ANKRD42: variants seen among roughly 807,000 people sequenced by gnomAD.
The protein encoded by ANKRD42 is ankyrin repeat domain 42, also known as ankyrin repeat domain-containing protein 42.
ANKRD42 carries 43 observed loss-of-function variants against 51.5 expected under a neutral mutation model. The ratio of observed to expected loss-of-function variants is 0.83; its 90% confidence interval spans 0.65 to 1.08. ANKRD42 has a LOEUF of 1.08. Among genes scored for constraint, ANKRD42 ranks in the 50% least tolerant of loss-of-function variants. ANKRD42 has a pLI of 0.00. For missense variants in ANKRD42, 608 were observed against 629.3 expected, an observed-to-expected ratio of 0.97 and a Z score of 0.36; for synonymous variants, 203 against 213.0, an observed-to-expected ratio of 0.95 and a Z score of 0.41.
At chr11:83,211,182 C>A (rs647411) in intron 4 of ANKRD42, 113 bp from the exon 5 acceptor site, 18 of 1,358,916 alleles carry the variant, frequency 1.3e-5, no homozygotes, top group Non-Finnish European at 1.8e-5. Context: ...TAAGTGTTTG[C>A]CTTCTTGTAT....
chr11:83,208,359 G>A (rs1163838354), intron 3 of ANKRD42, among the ~76,000 whole-genome samples: 1 of 149,854 alleles, frequency 6.7e-6, no homozygotes, highest in African/African-American at 2.5e-5. Flanking sequence ...ATATACGTGT[G>A]TGTGTTTGTG....
At chr11:83,259,194 G>A (rs1228678576), downstream of ANKRD42, 3 of 152,148 alleles carry the variant, frequency 2.0e-5, no homozygotes, top group East Asian at 3.9e-4. Context: ...AAAAAGATAC[G>A]TATAATTGCT....
intron 8 of ANKRD42, among the ~76,000 whole-genome samples, chr11:83,237,571 T>A (rs1286263587): frequency 6.6e-6 from 1 of 152,188 alleles, no homozygotes; most frequent in Non-Finnish European, 1.5e-5. Context: ...GTCCAATCAT[T>A]TGCTAAGTTG....
intron 10 of ANKRD42, 141 bp downstream of exon 10, chr11:83,245,765 G>T (rs1372151617): frequency 1.1e-6 from 1 of 925,508 alleles, no homozygotes; most frequent in Non-Finnish European, 1.5e-6. Context: ...GCCCTTAGAT[G>T]ACAAAGGAGT....
At chr11:83,207,076 C>T (rs960611954) in intron 3 of ANKRD42, among the ~76,000 whole-genome samples, 1 of 152,166 alleles carries the variant, frequency 6.6e-6, no homozygotes, top group Non-Finnish European at 1.5e-5. Context: ...AACTTACAAT[C>T]ATGGTGGAAG....
At chr11:83,221,253 A>T (rs1183619036) in intron 5 of ANKRD42, among the ~76,000 whole-genome samples, 1 of 152,138 alleles carries the variant, frequency 6.6e-6, no homozygotes, top group Non-Finnish European at 1.5e-5. Context: ...TATTTAAAAT[A>T]TTTTTGTTAA....
At chr11:83,201,648 A>G (rs953924842) in intron 2 of ANKRD42, among the ~76,000 whole-genome samples, 2 of 152,206 alleles carry the variant, frequency 1.3e-5, no homozygotes, top group Non-Finnish European at 2.9e-5. Context: ...ATTTCTCCAC[A>G]TCCTCTCCAG....
intron 3 of ANKRD42, among the ~76,000 whole-genome samples, chr11:83,208,354 CGTGTGTGT>C (rs927512299): frequency 4.7e-5 from 7 of 150,082 alleles, no homozygotes; most frequent in African/African-American, 1.8e-4. Context: ...TTTTTATATA[CGTGTGTGT>C]GTTTGTGTGT....
downstream of ANKRD42, among the ~76,000 whole-genome samples, chr11:83,253,069 ACTTAAC>A (rs1293331358): frequency 1.3e-5 from 2 of 152,108 alleles, no homozygotes; most frequent in Non-Finnish European, 2.9e-5. Flanking sequence ...TCCATGTTTC[ACTTAAC>A]CTTATTTTCT....
chr11:83,205,943 T>C, intron 2 of ANKRD42, 115 bp from the exon 3 acceptor site: 2 of 811,462 alleles, frequency 2.5e-6, no homozygotes, highest in South Asian at 1.8e-5. Flanking sequence ...GTTTTTCTTA[T>C]ACATGGATCT....
downstream of ANKRD42, among the ~76,000 whole-genome samples, chr11:83,252,922 A>T (rs1223310228): frequency 1.3e-5 from 2 of 152,172 alleles, no homozygotes; most frequent in Non-Finnish European, 2.9e-5. Flanking sequence ...GTCCAGAGAG[A>T]GAGTTATGTA....
downstream of ANKRD42, chr11:83,257,273 T>G (rs1180590180): frequency 2.2e-6 from 1 of 455,712 alleles, no homozygotes; most frequent in East Asian, 7.0e-5. Context: ...GTGAGAGGGC[T>G]CCTGCCAGGG....
intron 8 of ANKRD42, among the ~76,000 whole-genome samples, chr11:83,239,725 T>C (rs1295167148): frequency 6.6e-6 from 1 of 152,244 alleles, no homozygotes; most frequent in African/African-American, 2.4e-5. Context: ...ATTTTATCCA[T>C]TGGTCTATTT....
chr11:83,209,337 T>A (rs777094177), intron 3 of ANKRD42: 21 of 1,107,210 alleles, frequency 1.9e-5, no homozygotes, highest in Non-Finnish European at 2.7e-5. Flanking sequence ...TGGGAGTGCG[T>A]GCTGCTGGGA....
intron 3 of ANKRD42, among the ~76,000 whole-genome samples, chr11:83,208,200 T>G (rs1862154933): frequency 6.6e-6 from 1 of 151,010 alleles, no homozygotes. Context: ...ATTTTTTTTG[T>G]AGAGATGTCT....
intron 2 of ANKRD42, among the ~76,000 whole-genome samples, chr11:83,199,013 C>A (rs2135477864): frequency 6.6e-6 from 1 of 152,198 alleles, no homozygotes; most frequent in Middle Eastern, 3.4e-3. Flanking sequence ...GGATTAGGCA[C>A]CTTAAACTTC....
chr11:83,226,531 A>C (rs1292451187), intron 6 of ANKRD42, among the ~76,000 whole-genome samples: 2 of 152,368 alleles, frequency 1.3e-5, no homozygotes, highest in East Asian at 3.9e-4. Flanking sequence ...AATATTTTTA[A>C]AATAACAAAG....
At chr11:83,207,415 G>C (rs979688799) in intron 3 of ANKRD42, among the ~76,000 whole-genome samples, 1 of 152,202 alleles carries the variant, frequency 6.6e-6, no homozygotes, top group Admixed American at 6.5e-5. Context: ...CAAAATGTAT[G>C]ATTAAAGTTC....
intron 10 of ANKRD42, among the ~76,000 whole-genome samples, chr11:83,245,998 A>G (rs1863530632): frequency 6.6e-6 from 1 of 152,202 alleles, no homozygotes; most frequent in South Asian, 2.1e-4. Flanking sequence ...TTCACTGATT[A>G]TAGTACCCAA....
Sources: allele counts gnomAD v4.1 joint callset (sites outside exome capture counted in the v4.1 genomes callset), GRCh38; gene constraint gnomAD v4.1.1; transcripts MANE v1.5; gene names NCBI Gene and HGNC (gene_info 2026-07-23, HGNC 2026-07-21).